Variants in COG5 observed in about 807,000 individuals in gnomAD.
The protein encoded by COG5 is conserved oligomeric Golgi complex subunit 5.
In COG5, 86 loss-of-function variants were observed where a neutral mutation model predicts 110.4. The observed-to-expected ratio is 0.78, with a 90% confidence interval of 0.65 to 0.93. The LOEUF is 0.93. Among genes scored for constraint, COG5 ranks in the 40% least tolerant of loss-of-function variants. The probability of loss-of-function intolerance (pLI) is 0.00; values close to 1 mark genes in which losing one functional copy is unlikely to be tolerated. For synonymous variants in COG5, 360 were observed against 334.6 expected, an observed-to-expected ratio of 1.08 and a Z score of -0.83; for missense variants, 1,077 against 987.0, an observed-to-expected ratio of 1.09 and a Z score of -1.22.
At chr7:107,327,102 T>C (rs1468675155) in intron 10 of COG5, among the ~76,000 whole-genome samples, 1 of 151,858 alleles carries the variant, frequency 6.6e-6, no homozygotes, top group Non-Finnish European at 1.5e-5. Flanking sequence ...AAGACAGACA[T>C]AGGGACCAAT....
At chr7:107,377,129 G>C (rs192086295) in intron 7 of COG5, among the ~76,000 whole-genome samples, 1 of 152,184 alleles carries the variant, frequency 6.6e-6, no homozygotes, top group African/African-American at 2.4e-5. Flanking sequence ...CTTGGATACA[G>C]TTTACATAAC....
chr7:107,524,668 C>T (rs1800595883), intron 6 of COG5, among the ~76,000 whole-genome samples: 1 of 152,166 alleles, frequency 6.6e-6, no homozygotes, highest in Admixed American at 6.5e-5. Flanking sequence ...CAAGACTGAA[C>T]TACAGTGGTG....
chr7:107,343,364 A>C (rs1420016660), intron 10 of COG5, among the ~76,000 whole-genome samples: 1 of 152,156 alleles, frequency 6.6e-6, no homozygotes, highest in Non-Finnish European at 1.5e-5. Context: ...GTAAAAGTTA[A>C]AATTAAAGTA....
intron 5 of COG5, among the ~76,000 whole-genome samples, chr7:107,528,123 G>A (rs543321716): frequency 6.7e-6 from 1 of 149,304 alleles, no homozygotes; most frequent in Non-Finnish European, 1.5e-5. Flanking sequence ...ACAGGGTCTC[G>A]CTCAGTTGCC....
intron 7 of COG5, among the ~76,000 whole-genome samples, chr7:107,399,311 T>C (rs1034949154): frequency 6.6e-6 from 1 of 152,174 alleles, no homozygotes; most frequent in Admixed American, 6.6e-5. Context: ...ATATTTATGA[T>C]ATGGTTTGGC....
rs1027964670 is a variant in COG5, at chr7:107,203,254, A to G, written c.*262T>C. The G allele has an allele frequency of 2.4e-5, 12 of 490,378 alleles. No individual in the cohort carries two copies. The highest frequency in any genetic ancestry group is 6.6e-5 in the Admixed American group (2 of 30,410). The allele number at this position is 490,378 out of a possible 1,614,324, so 30.4% of individuals were successfully genotyped here. A position where few individuals can be genotyped will look rare whatever the true frequency, so the allele number is the denominator to read the frequency against. ...GGACTTGGTTATGGATGGGAAAGAC[A>G]TTTTAGCCTTGTACAAAAATCTGAA... On this transcript the variant is annotated 3_prime_UTR_variant, in exon 22 of 22. Transcript: ENST00000297135.
At chr7:107,264,732 GATC>G (rs1179575084) in intron 14 of COG5, among the ~76,000 whole-genome samples, 5 of 151,750 alleles carry the variant, frequency 3.3e-5, no homozygotes, top group African/African-American at 7.3e-5. Flanking sequence ...CCAGAAAATG[GATC>G]ATAAGAAAAT....
At chr7:107,264,222 C>T (rs934899128) in intron 14 of COG5, among the ~76,000 whole-genome samples, 2 of 152,050 alleles carry the variant, frequency 1.3e-5, no homozygotes, top group African/African-American at 4.8e-5. Flanking sequence ...GACTACAAAT[C>T]TCTAAGACTT....
At chr7:107,218,186 T>C (rs1430894823) in intron 19 of COG5, among the ~76,000 whole-genome samples, 2 of 151,984 alleles carry the variant, frequency 1.3e-5, no homozygotes, top group Non-Finnish European at 2.9e-5. Flanking sequence ...CCGTAAAACA[T>C]TGATGAAATA....
intron 16 of COG5, among the ~76,000 whole-genome samples, chr7:107,252,703 A>C (rs1196801713): frequency 6.6e-6 from 1 of 152,182 alleles, no homozygotes; most frequent in Non-Finnish European, 1.5e-5. Context: ...TACATTAAGT[A>C]TCCAGGAATA....
At chr7:107,530,597 A>C (rs1264463680) in intron 5 of COG5, among the ~76,000 whole-genome samples, 2 of 111,924 alleles carry the variant, frequency 1.8e-5, no homozygotes, top group African/African-American at 7.4e-5. Flanking sequence ...GCGAAACTCC[A>C]TCTCAAAAAA....
At chr7:107,492,481 C>G (rs1306094565) in intron 6 of COG5, among the ~76,000 whole-genome samples, 1 of 152,056 alleles carries the variant, frequency 6.6e-6, no homozygotes, top group African/African-American at 2.4e-5. Context: ...CTTCTGGAGG[C>G]CCTTAGGGGA....
At chr7:107,210,322 A>G in intron 21 of COG5, 1 of 1,428,986 alleles carries the variant, frequency 7.0e-7, no homozygotes, top group Non-Finnish European at 9.1e-7. Flanking sequence ...AAGGTTTGGA[A>G]TGAAAGAAAG....
In COG5 at chr7:107,246,239, C is replaced by T. The variant is rs1047114817; in HGVS notation, c.1853+2157G>A. Among the ~76,000 whole-genome samples, 10 of 152,010 alleles carry T rather than the reference C, an allele frequency of 6.6e-5. 1 individual carries two copies. The South Asian group carries it at 1.0e-3, about 16-fold the overall frequency. On this transcript the variant is annotated intron_variant, in intron 17 of 21. Coordinates refer to ENST00000297135, the MANE Select transcript of COG5 (RefSeq NM_006348.5). ...TCAAGATGGATTAAATACTTACATG[C>T]AAAACCCAAAACTATAAAACCCTGG...
chr7:107,226,828 G>A (rs1233764652), intron 19 of COG5, among the ~76,000 whole-genome samples: 2 of 152,114 alleles, frequency 1.3e-5, no homozygotes, highest in African/African-American at 4.8e-5. Context: ...AAAGCACTAG[G>A]ATTAATTCAG....
At chr7:107,429,040 T>C (rs559811754) in intron 6 of COG5, among the ~76,000 whole-genome samples, 1 of 152,360 alleles carries the variant, frequency 6.6e-6, no homozygotes, top group African/African-American at 2.4e-5. Flanking sequence ...TGAACATTTC[T>C]TGTCTGCTGT....
intron 19 of COG5, 84 bp downstream of exon 19, chr7:107,230,531 G>T: frequency 9.9e-7 from 1 of 1,007,420 alleles, no homozygotes; most frequent in Non-Finnish European, 1.6e-6. Context: ...GTTGAATATT[G>T]GCAATTTTAT....
chr7:107,556,050 T>A (rs1229816070), intron 2 of COG5, among the ~76,000 whole-genome samples: 1 of 150,750 alleles, frequency 6.6e-6, no homozygotes, highest in Admixed American at 6.6e-5. Flanking sequence ...GAAAGCTTAC[T>A]GTTTCAGCTA....
In COG5 at chr7:107,259,596, G is replaced by C. The variant is rs143031358; in HGVS notation, c.1576-1213C>G. Among the ~76,000 whole-genome samples the C allele has an allele frequency of 6.1e-3, 934 of 151,918 alleles. 12 individuals carry two copies. Among genetic ancestry groups the C allele is most frequent in the Non-Finnish European group, 7.7e-3 (524 of 67,958 alleles). On this transcript the variant is annotated intron_variant, in intron 14 of 21. Transcript: ENST00000297135. ...GGTATGGCAGACTCGGGGCAGGGGG[G>C]GTCAAATGCTAAACATACATCTGAC...
Sources: gnomAD v4.1 joint callset for allele counts (sites outside exome capture counted in the v4.1 genomes callset) on GRCh38, gnomAD v4.1.1 for gene constraint, MANE v1.5 for transcripts, NCBI Gene and HGNC (gene_info 2026-07-23, HGNC 2026-07-21) for gene names.